The following HSPA1L variants were observed in gnomAD, a reference collection of about 807,000 sequenced individuals.
HSPA1L encodes heat shock 70 kDa protein 1-like.
HSPA1L carries 21 observed loss-of-function variants against 31.5 expected under a neutral mutation model. The observed-to-expected ratio is 0.67, with a 90% CI of 0.47 to 0.96. The LOEUF is 0.96. Ranked by LOEUF, HSPA1L falls within the 40% of genes least tolerant of loss-of-function variation. The probability of loss-of-function intolerance (pLI) is 0.00; values close to 1 mark genes in which losing one functional copy is unlikely to be tolerated. For missense variants in HSPA1L, 709 were observed against 813.4 expected (o/e 0.87, Z 1.56); for synonymous variants, 293 against 323.1 (o/e 0.91, Z 1.00).
intron 1 of HSPA1L, 40 bp from the exon 2 acceptor site, chr6:31,812,025 T>C: frequency 6.3e-7 from 1 of 1,576,228 alleles, no homozygotes; most frequent in Non-Finnish European, 8.6e-7. Flanking sequence ...GGAGAGTGCT[T>C]TTCAATGTTA....
rs1815777797 is a variant in HSPA1L at position 31,814,957 on chromosome 6, G to T, written c.-82C>A. 1.0e-6 allele frequency: 1 copy of T among 985,610 alleles called. No individual in the cohort carries two copies. The highest frequency in any genetic ancestry group is 1.1e-4 in the East Asian group (1 of 8,812). The allele number at this position is 985,610 out of a possible 1,614,324, so 61.1% of individuals were successfully genotyped here. On this transcript the variant is annotated 5_prime_UTR_variant, in exon 1 of 2. Transcript: ENST00000375654. ...TACGCAGCCCCAGCGAGTAGGTGGGGGCTCCCTCAATATCAAACTGCACAA... is the reference window on the plus strand; with the variant it reads ...TACGCAGCCCCAGCGAGTAGGTGGGTGCTCCCTCAATATCAAACTGCACAA...
rs1300880929 is a variant in HSPA1L, at chr6:31,811,315, C to A, written c.658G>T (p.Glu220Ter). The change falls in exon 2 of 2, where the codon GAG (glutamate) becomes TAG (stop). Residue 220 changes from glutamate (E) to a stop codon, truncating the protein, a stop_gained. Coordinates refer to ENST00000375654, the MANE Select transcript of HSPA1L (RefSeq NM_005527.4). LOFTEE classifies it high-confidence loss of function. The part of the protein sequence containing the change: ...SILTIDDGIF[E>*]VKATAGDTHL... ...GTGTCCCCAGCAGTGGCCTTTACCT[C>A]AAAAATCCCATCATCTATGGTCAGA... 7.4e-6 allele frequency: 12 copies of A among 1,614,036 alleles called. No individual in the cohort carries two copies. In the South Asian group the frequency reaches 1.1e-4, roughly 15 times the overall value.
chr6:31,811,283 C>T lies in HSPA1L; in HGVS notation c.690G>A (p.Leu230=), dbSNP rs1056716096. The T allele has an allele frequency of 6.2e-7, 1 of 1,614,192 alleles. No homozygotes were observed. Among genetic ancestry groups the T allele is most frequent in the African/African-American group, 1.3e-5 (1 of 75,060 alleles). ...EVKATAGDTH[L]GGEDFDNRLV... is the part of the protein sequence containing the mutation. ...GCCTGTTGTCAAAGTCCTCCCCACCCAGGTGAGTGTCCCCAGCAGTGGCCT... is the reference window on the plus strand; with the variant it reads ...GCCTGTTGTCAAAGTCCTCCCCACCTAGGTGAGTGTCCCCAGCAGTGGCCT... Residue 230 remains leucine, a synonymous_variant, in exon 2 of 2, where the codon CTG becomes CTA. Coordinates refer to ENST00000375654, the MANE Select transcript of HSPA1L (RefSeq NM_005527.4).
intron 1 of HSPA1L, 21 bp downstream of exon 1, chr6:31,814,868 A>G (rs188721899): frequency 4.9e-4 from 484 of 982,526 alleles, no homozygotes; most frequent in Non-Finnish European, 5.6e-4. Flanking sequence ...TTCACAATCA[A>G]TCAGATCCCT....
intron 1 of HSPA1L, among the ~76,000 whole-genome samples, chr6:31,814,525 T>A (rs1177552963): frequency 6.7e-5 from 10 of 148,838 alleles, no homozygotes; most frequent in Non-Finnish European, 1.2e-4. Flanking sequence ...AAAAAAAAAA[T>A]TAAAAATAAA....
At position 31,810,146 on chromosome 6, in the gene HSPA1L, G is replaced by A. The variant is rs1185694270; in HGVS notation, c.1827C>T (p.Ile609=). ...TGCATCCTCCTTGGTAGAGTTTTGT[G>A]ATGATAGGGTTACACATCTGCTCCA... The part of the protein sequence containing the change: ...KELEQMCNPI[I]TKLYQGGCTG... Residue 609 remains isoleucine, a synonymous_variant, in exon 2 of 2, where the codon ATC becomes ATT. Coordinates refer to ENST00000375654, the MANE Select transcript of HSPA1L (RefSeq NM_005527.4). 2.0e-6 allele frequency: 3 copies of A among 1,515,080 alleles called. No individual in the cohort carries two copies. The highest frequency in any genetic ancestry group is 2.3e-5 in the East Asian group (1 of 43,200). The allele number at this position is 1,515,080 out of a possible 1,614,324, so 93.9% of individuals were successfully genotyped here. A position where few individuals can be genotyped will look rare whatever the true frequency, so the allele number is the denominator to read the frequency against.
At position 31,809,787 on chromosome 6, in the gene HSPA1L, G is replaced by T; in HGVS notation, c.*260C>A. Reference sequence around the variant, plus strand: ...CAAATAAGCATCCACACAGGAAGAAGAATGTTAGGGTGGCTGGAAATAACA... The same window carrying T: ...CAAATAAGCATCCACACAGGAAGAATAATGTTAGGGTGGCTGGAAATAACA... On this transcript the variant is annotated 3_prime_UTR_variant, in exon 2 of 2. Coordinates refer to ENST00000375654, the MANE Select transcript of HSPA1L (RefSeq NM_005527.4). The T allele has an allele frequency of 2.6e-6, 1 of 386,752 alleles. No individual in the cohort carries two copies. The highest frequency in any genetic ancestry group is 4.6e-6 in the Non-Finnish European group (1 of 219,230). 24.0% of individuals were successfully genotyped at this position (386,752 alleles called of 1,614,324 possible).
In HSPA1L at chr6:31,811,545, T is replaced by C; in HGVS notation, c.428A>G (p.Asn143Ser). 1 of 1,614,186 alleles carries C rather than the reference T, an allele frequency of 6.2e-7. No individual in the cohort carries two copies. Among genetic ancestry groups the C allele is most frequent in the Non-Finnish European group, 8.5e-7 (1 of 1,180,038 alleles). ...AEAFLGHPVT[N>S]AVITVPAYFN... ...ATAGGCTGGCACGGTAATCACTGCA[T>C]TGGTGACAGGGTGGCCCAAAAAGGC... The change falls in exon 2 of 2, where the codon AAT becomes AGT. Residue 143 changes from asparagine to serine, a missense_variant. Asn to Ser is a conservative substitution (Grantham distance 46, BLOSUM62 1). Coordinates refer to ENST00000375654, the MANE Select transcript of HSPA1L (RefSeq NM_005527.4).
chr6:31,814,556 G>T (rs1398447181), intron 1 of HSPA1L, among the ~76,000 whole-genome samples: 2 of 151,602 alleles, frequency 1.3e-5, no homozygotes, highest in African/African-American at 4.8e-5. Flanking sequence ...TAAAATAAAG[G>T]GTTTAGTGTC....
rs1400294676 is a variant in HSPA1L at position 31,815,245 on chromosome 6, G to A, written c.-370C>T. Among the ~76,000 whole-genome samples the A allele has an allele frequency of 3.3e-5, 5 of 152,074 alleles. No homozygotes were observed. Among genetic ancestry groups the A allele is most frequent in the Non-Finnish European group, 7.3e-5 (5 of 68,038 alleles). On this transcript the variant is annotated 5_prime_UTR_variant, in exon 1 of 2. Coordinates refer to ENST00000375654, the MANE Select transcript of HSPA1L (RefSeq NM_005527.4). ...CGCCGACCCTTCCTGTCAATTAGGC[G>A]CTGAAGCGCAGGCGGTCAGCATCGC...
In HSPA1L at chr6:31,815,233, T is replaced by C. The variant is rs1469400295; in HGVS notation, c.-358A>G. ...TTAAAAGCCCAGCGCCGACCCTTCC[T>C]GTCAATTAGGCGCTGAAGCGCAGGC... On this transcript the variant is annotated 5_prime_UTR_variant, in exon 1 of 2. Transcript: ENST00000375654. Among the ~76,000 whole-genome samples the C allele has an allele frequency of 6.6e-6, 1 of 151,626 alleles. No individual in the cohort carries two copies. The highest frequency in any genetic ancestry group is 1.5e-5 in the Non-Finnish European group (1 of 67,954).
rs893232498 is a variant in HSPA1L, at chr6:31,811,574, A to G, written c.399T>C (p.Ala133=). ...TGACAGGGTGGCCCAAAAAGGCCTC[A>G]GCAGTCTCCTTCAACTTAGTCAATA... ...SMVLTKLKET[A]EAFLGHPVTN... The change falls in exon 2 of 2, where the codon GCT becomes GCC. Residue 133 remains alanine, a synonymous_variant. Transcript: ENST00000375654. 2 of 1,614,078 alleles carry G rather than the reference A, an allele frequency of 1.2e-6. No individual in the cohort carries two copies. Among genetic ancestry groups the G allele is most frequent in the Non-Finnish European group, 1.7e-6 (2 of 1,180,032 alleles).
At position 31,811,068 on chromosome 6, in the gene HSPA1L, G is replaced by T. The variant is rs765356075; in HGVS notation, c.905C>A (p.Ala302Asp). The T allele has an allele frequency of 1.2e-6, 2 of 1,614,210 alleles. No individual in the cohort carries two copies. Among genetic ancestry groups the T allele is most frequent in the East Asian group, 2.2e-5 (1 of 44,882 alleles). The change falls in exon 2 of 2, where the codon GCT becomes GAT. Residue 302 changes from alanine to aspartate, a missense_variant. Ala to Asp is a moderately radical substitution (Grantham distance 126). Coordinates refer to ENST00000375654, the MANE Select transcript of HSPA1L (RefSeq NM_005527.4). ...GTCTGCACACAACTCTTCAAATCGA[G>T]CTCTGGTGATGGATGTATAGAAGTC... is the stretch of plus-strand genomic sequence containing the variant. Reference protein sequence around the residue: ...GIDFYTSITRARFEELCADLF... With the variant: ...GIDFYTSITRDRFEELCADLF...
At position 31,811,514 on chromosome 6, in the gene HSPA1L, A is replaced by C. The variant is rs1280708557; in HGVS notation, c.459T>G (p.Asn153Lys). 6.2e-7 allele frequency: 1 copy of C among 1,614,096 alleles called. No homozygotes were observed. The highest frequency in any genetic ancestry group is 1.3e-5 in the African/African-American group (1 of 74,932). ...CCTTAGTAGCCTGACGTTGAGAGTC[A>C]TTGAAATAGGCTGGCACGGTAATCA... ...NAVITVPAYFNDSQRQATKDA... is the reference protein window; with the variant it reads ...NAVITVPAYFKDSQRQATKDA... Residue 153 changes from asparagine to lysine, a missense_variant, in exon 2 of 2, where the codon AAT becomes AAG. Transcript: ENST00000375654.
chr6:31,812,763 T>G (rs911252656), intron 1 of HSPA1L, among the ~76,000 whole-genome samples: 2 of 152,234 alleles, frequency 1.3e-5, no homozygotes, highest in African/African-American at 2.4e-5. Flanking sequence ...AAACTGAAAC[T>G]GTATACTCAT....
chr6:31,811,863 T>C lies in HSPA1L; in HGVS notation c.110A>G (p.Asn37Ser). 6.2e-7 allele frequency: 1 copy of C among 1,614,108 alleles called. No homozygotes were observed. Among genetic ancestry groups the C allele is most frequent in the South Asian group, 1.1e-5 (1 of 91,072 alleles). Residue 37 changes from asparagine (N) to serine (S), a missense_variant, in exon 2 of 2, where the codon AAC becomes AGC. Asn to Ser is a conservative substitution (Grantham distance 46). Coordinates refer to ENST00000375654, the MANE Select transcript of HSPA1L (RefSeq NM_005527.4). ...KVEIIANDQGNRTTPSYVAFT... is the reference protein window; with the variant it reads ...KVEIIANDQGSRTTPSYVAFT... ...GGCCACGTAGCTGGGGGTGGTGCGG[T>C]TGCCCTGGTCGTTGGCGATGATCTC...
Position 31,815,008 on chromosome 6 carries a change from G to A in HSPA1L, c.-133C>T, listed in dbSNP as rs1181717536. ...CCGGGGTCCCCCCACCCCCCACCCC[G>A]TCCCTCCCTGCAAATTTGAGACGGC... On this transcript the variant is annotated 5_prime_UTR_variant, in exon 1 of 2. It adds an upstream start codon to the 5' untranslated region. Coordinates refer to ENST00000375654, the MANE Select transcript of HSPA1L (RefSeq NM_005527.4). 9.2e-6 allele frequency: 8 copies of A among 873,648 alleles called. No individual in the cohort carries two copies. In the African/African-American group the frequency reaches 2.1e-4, roughly 23 times the overall value. 54.1% of individuals were successfully genotyped at this position (873,648 alleles called of 1,614,324 possible). A position where few individuals can be genotyped will look rare whatever the true frequency, so the allele number is the denominator to read the frequency against.
rs1815388600 is a variant in HSPA1L at position 31,811,211 on chromosome 6, G to A, written c.762C>T (p.Asp254=). 6.2e-7 allele frequency: 1 copy of A among 1,614,082 alleles called. No homozygotes were observed. The highest frequency in any genetic ancestry group is 1.3e-5 in the African/African-American group (1 of 74,934). ...VEEFKRKHKK[D]ISQNKRAVRR... ...TCACGGCTCGCTTGTTCTGGCTGAT[G>A]TCCTTTTTGTGTTTCCTCTTGAACT... The change falls in exon 2 of 2, where the codon GAC becomes GAT. Residue 254 remains aspartate, a synonymous_variant. Transcript: ENST00000375654.
rs773538886 is a variant in HSPA1L at position 31,811,974 on chromosome 6, G to A, written c.-2C>T. The A allele has an allele frequency of 3.1e-6, 5 of 1,614,000 alleles. No individual in the cohort carries two copies. Among genetic ancestry groups the A allele is most frequent in the Non-Finnish European group, 2.5e-6 (3 of 1,179,904 alleles). On this transcript the variant is annotated 5_prime_UTR_variant, in exon 2 of 2. Coordinates refer to ENST00000375654, the MANE Select transcript of HSPA1L (RefSeq NM_005527.4). ...GGCGATTCCCTTGGCAGTAGCCATG[G>A]TTCTCTGAGGCCTATGGAGAAAGAA...
Sources: allele counts gnomAD v4.1 joint callset (sites outside exome capture counted in the v4.1 genomes callset), GRCh38; gene constraint gnomAD v4.1.1; transcripts MANE v1.5; gene names NCBI Gene and HGNC (gene_info 2026-07-23, HGNC 2026-07-21).